Variants in RBMS3 observed in about 807,000 individuals in gnomAD.
The protein encoded by RBMS3 is RNA-binding motif, single-stranded-interacting protein 3.
RBMS3 carries 27 observed loss-of-function variants against 66.8 expected under a neutral mutation model. The ratio of observed to expected loss-of-function variants is 0.40; its 90% confidence interval spans 0.30 to 0.56. The LOEUF (loss-of-function observed/expected upper bound fraction) is 0.56, where lower values mean the gene tolerates loss of function less well. Ranked by LOEUF, RBMS3 falls within the 20% of genes least tolerant of loss-of-function variation. The pLI, the probability that RBMS3 is intolerant of heterozygous loss-of-function variation, is 0.40. For missense variants in RBMS3, 513 were observed against 549.5 expected, an observed-to-expected ratio of 0.93 and a Z score of 0.66; for synonymous variants, 188 against 183.0, an observed-to-expected ratio of 1.03 and a Z score of -0.22.
intron 12 of RBMS3, among the ~76,000 whole-genome samples, chr3:29,965,628 G>T (rs1292065556): frequency 6.6e-6 from 1 of 152,022 alleles, no homozygotes; most frequent in Non-Finnish European, 1.5e-5. Flanking sequence ...CTGGATATCG[G>T]TCCTTTGTCA....
intron 2 of RBMS3, among the ~76,000 whole-genome samples, chr3:29,473,353 C>G (rs1185536994): frequency 6.6e-6 from 1 of 152,236 alleles, no homozygotes; most frequent in Non-Finnish European, 1.5e-5. Context: ...TAGCTAGATA[C>G]AGAGTATCGA....
At chr3:29,764,187 A>C (rs574984008) in intron 6 of RBMS3, among the ~76,000 whole-genome samples, 1 of 152,160 alleles carries the variant, frequency 6.6e-6, no homozygotes, top group Admixed American at 6.6e-5. Flanking sequence ...GAAAACCTAA[A>C]GTAGCTGATT....
At chr3:29,533,346 G>C (rs2045434708) in intron 3 of RBMS3, among the ~76,000 whole-genome samples, 1 of 152,126 alleles carries the variant, frequency 6.6e-6, no homozygotes. Flanking sequence ...GTGAAGTGTA[G>C]TGGCATATGC....
Position 29,295,277 on chromosome 3 carries a change from ATATATATATATATATATACATATATATC to A in RBMS3, c.75+13532_75+13559del, listed in dbSNP as rs1229724188. ...CTTATTCCCAATTGCAGAAAATTAT[ATATATATATATATATATACATATATATC>A]TATATATATACATATATATATACAC... On this transcript the variant is annotated intron_variant, in intron 1 of 14. Transcript: ENST00000383767. 2.5e-3 allele frequency among the ~76,000 whole-genome samples: 69 copies of A among 27,284 alleles called. 1 individual carries two copies. Among genetic ancestry groups the A allele is most frequent in the African/African-American group, 6.8e-3 (66 of 9,766 alleles). The allele number at this position is 27,284 out of a possible 152,430, so 17.9% of individuals were successfully genotyped here.
intron 4 of RBMS3, among the ~76,000 whole-genome samples, chr3:29,635,485 C>G (rs897416119): frequency 1.3e-5 from 2 of 151,844 alleles, no homozygotes; most frequent in Non-Finnish European, 2.9e-5. Flanking sequence ...ACCATTTCTC[C>G]TCCTCTCCAC....
intron 3 of RBMS3, among the ~76,000 whole-genome samples, chr3:29,519,799 A>C (rs188611479): frequency 6.6e-6 from 1 of 152,264 alleles, no homozygotes; most frequent in Admixed American, 6.5e-5. Context: ...GCTTTACGAT[A>C]GCATTCTTAA....
chr3:29,759,977 C>T (rs1019902047), intron 5 of RBMS3, among the ~76,000 whole-genome samples: 1 of 152,076 alleles, frequency 6.6e-6, no homozygotes, highest in African/African-American at 2.4e-5. Context: ...ACGGGAGTCT[C>T]TAAAGGCTCA....
At chr3:29,902,091 A>G (rs9882868) in intron 10 of RBMS3, among the ~76,000 whole-genome samples, 11,051 of 151,894 alleles carry the variant, frequency 0.073, 717 homozygotes, top group African/African-American at 0.17. Flanking sequence ...ATGATTAACA[A>G]CATGGATTCT....
chr3:29,808,698 T>G (rs2057633347), intron 6 of RBMS3, among the ~76,000 whole-genome samples: 1 of 151,962 alleles, frequency 6.6e-6, no homozygotes. Context: ...TCTTAAAACA[T>G]TACTATATGC....
chr3:29,938,612 C>G (rs180983280), intron 11 of RBMS3, among the ~76,000 whole-genome samples: 3 of 151,964 alleles, frequency 2.0e-5, no homozygotes, highest in East Asian at 3.9e-4. Context: ...CTTCGATATG[C>G]CTTCATAGAT....
chr3:29,602,270 T>C (rs1026167791), intron 4 of RBMS3, among the ~76,000 whole-genome samples: 1 of 152,040 alleles, frequency 6.6e-6, no homozygotes, highest in Non-Finnish European at 1.5e-5. Context: ...TTATTATATC[T>C]TAGATGGAGG....
chr3:29,825,506 T>G (rs937384735), intron 6 of RBMS3, among the ~76,000 whole-genome samples: 56 of 152,124 alleles, frequency 3.7e-4, no homozygotes, highest in African/African-American at 1.3e-3. Flanking sequence ...TCCCATGCTA[T>G]TCTTGTGATA....
chr3:29,857,384 C>T (rs1352582648), intron 6 of RBMS3, among the ~76,000 whole-genome samples: 4 of 149,596 alleles, frequency 2.7e-5, no homozygotes, highest in Non-Finnish European at 4.5e-5. Context: ...CCCCCACCCC[C>T]ACGGGGCCCC....
chr3:29,904,475 A>G lies in RBMS3; in HGVS notation c.939+4720A>G, dbSNP rs529082606. On this transcript the variant is annotated intron_variant, in intron 10 of 14. Coordinates refer to ENST00000383767, the MANE Select transcript of RBMS3 (RefSeq NM_001003793.3). Reference sequence around the variant, plus strand: ...TAAAATGTTCTGGATGTCAATAAATATGAGCCATATATAGATCTATATCAA... The same window carrying G: ...TAAAATGTTCTGGATGTCAATAAATGTGAGCCATATATAGATCTATATCAA... 3.9e-4 allele frequency among the ~76,000 whole-genome samples: 60 copies of G among 152,104 alleles called. 1 individual carries two copies. Among genetic ancestry groups the G allele is most frequent in the African/African-American group, 1.4e-3 (59 of 41,562 alleles).
At chr3:29,428,832 A>G (rs911920968) in intron 1 of RBMS3, among the ~76,000 whole-genome samples, 1 of 152,184 alleles carries the variant, frequency 6.6e-6, no homozygotes, top group African/African-American at 2.4e-5. Context: ...AACTCATAAC[A>G]TGCTTGGTTC....
intron 6 of RBMS3, among the ~76,000 whole-genome samples, chr3:29,839,162 T>C (rs1219371790): frequency 1.3e-5 from 2 of 152,192 alleles, no homozygotes; most frequent in African/African-American, 2.4e-5. Flanking sequence ...CCAATAATTA[T>C]TTTAACTGGC....
At chr3:29,659,254 C>A (rs1456225062) in intron 4 of RBMS3, among the ~76,000 whole-genome samples, 1 of 152,098 alleles carries the variant, frequency 6.6e-6, no homozygotes, top group East Asian at 1.9e-4. Context: ...ACCATCTTAA[C>A]CATTTTTAAA....
At chr3:30,000,475 G>A (rs1012530462) in intron 14 of RBMS3, among the ~76,000 whole-genome samples, 3 of 152,198 alleles carry the variant, frequency 2.0e-5, no homozygotes, top group Admixed American at 6.5e-5. Flanking sequence ...GTGGAAGACA[G>A]TGTGGTGATT....
At chr3:29,293,890 T>A (rs917466424) in intron 1 of RBMS3, among the ~76,000 whole-genome samples, 2 of 151,522 alleles carry the variant, frequency 1.3e-5, no homozygotes, top group African/African-American at 4.8e-5. Context: ...TTTTTTTTTT[T>A]AATTATTGCT....
Sources: allele counts gnomAD v4.1 joint callset (sites outside exome capture counted in the v4.1 genomes callset), GRCh38; gene constraint gnomAD v4.1.1; transcripts MANE v1.5; gene names NCBI Gene and HGNC (gene_info 2026-07-23, HGNC 2026-07-21).